ZNF749: variants seen among roughly 807,000 people sequenced by gnomAD.
The protein encoded by ZNF749 is zinc finger protein 749.
Under a neutral mutation model 7.3 loss-of-function variants are expected in ZNF749, and 8 were observed. The ratio of observed to expected loss-of-function variants is 1.10; its 90% CI spans 0.64 to 1.98. ZNF749 has a LOEUF of 1.98. Ranked by LOEUF, ZNF749 falls within the 30% of genes most tolerant of loss-of-function variation. The pLI is 0.00. For synonymous variants in ZNF749, 310 were observed against 322.4 expected (o/e 0.96, Z 0.41); for missense variants, 898 against 932.4 (o/e 0.96, Z 0.48).
upstream of ZNF749, among the ~76,000 whole-genome samples, chr19:57,435,156 G>A (rs2088920643): frequency 6.6e-6 from 1 of 152,196 alleles, no homozygotes; most frequent in African/African-American, 2.4e-5. Context: ...GCATTGTGAG[G>A]CGAGGCAGGC....
chr19:57,432,561 T>TAA (rs750185614), upstream of ZNF749, among the ~76,000 whole-genome samples: 384 of 74,180 alleles, frequency 5.2e-3, 10 homozygotes, highest in African/African-American at 0.017. Context: ...GACTCTGTCT[T>TAA]AAAAAAAAAA....
rs1035798415 is a variant in ZNF749, at chr19:57,436,816, G to A, written c.15+1223G>A. ...TCCTACAACTCATTAACTTAGGGATGTAAAAACAGGTAATTGACTTAAACA... is the reference window on the plus strand; with the variant it reads ...TCCTACAACTCATTAACTTAGGGATATAAAAACAGGTAATTGACTTAAACA... On this transcript the variant is annotated intron_variant, in intron 1 of 2. Transcript: ENST00000334181. This position sits in a 1 kb window ranked among gnomAD's most constrained non-coding sequence, Gnocchi z 4.0. Among the ~76,000 whole-genome samples the A allele has an allele frequency of 2.0e-5, 3 of 152,210 alleles. No individual in the cohort carries two copies. Among genetic ancestry groups the A allele is most frequent in the African/African-American group, 7.2e-5 (3 of 41,466 alleles).
In ZNF749 at chr19:57,445,179, T is replaced by C. The variant is rs1312550997; in HGVS notation, c.2031T>C (p.Leu677=). Residue 677 remains leucine, a synonymous_variant, in exon 3 of 3, where the codon CTT becomes CTC. Coordinates refer to ENST00000334181, the MANE Select transcript of ZNF749 (RefSeq NM_001023561.4). The part of the protein sequence containing the change: ...PYECSNCGKF[L]RYRSTFIKHH... ...AATGCAGCAACTGTGGGAAGTTTCT[T>C]AGATACCGCTCTACATTCATTAAAC... 2.5e-6 allele frequency: 4 copies of C among 1,614,038 alleles called. No homozygotes were observed. The highest frequency in any genetic ancestry group is 1.1e-5 in the South Asian group (1 of 91,082).
At chr19:57,438,173 C>T (rs2088953921) in intron 1 of ZNF749, 1 of 398,732 alleles carries the variant, frequency 2.5e-6, no homozygotes, top group Non-Finnish European at 4.4e-6. Flanking sequence ...CAAACTGTTT[C>T]TCATGAAAGC....
intron 1 of ZNF749, among the ~76,000 whole-genome samples, chr19:57,437,206 ATTC>A (rs1384687327): frequency 3.3e-5 from 5 of 152,158 alleles, no homozygotes; most frequent in Middle Eastern, 3.4e-3. Context: ...CATCTCATAT[ATTC>A]TTGCCTCTCT....
chr19:57,443,265 C>G, intron 2 of ZNF749, 26 bp from the exon 3 acceptor site: 1 of 1,569,272 alleles, frequency 6.4e-7, no homozygotes, highest in Non-Finnish European at 8.7e-7. Context: ...TTCACGTGCA[C>G]TTCACCAGCA....
At position 57,443,525 on chromosome 19, in the gene ZNF749, T is replaced by C. The variant is rs2089016948; in HGVS notation, c.377T>C (p.Ile126Thr). 1.2e-6 allele frequency: 2 copies of C among 1,614,010 alleles called. No individual in the cohort carries two copies. The highest frequency in any genetic ancestry group is 1.3e-5 in the African/African-American group (1 of 74,914). Residue 126 changes from isoleucine to threonine, a missense_variant, in exon 3 of 3, where the codon ATT becomes ACT. Ile to Thr is a moderately conservative substitution (Grantham distance 89). Transcript: ENST00000334181. ...AEHDLHQKEQ[I>T]REKLTRSDEW... ...CATGACCTGCACCAAAAGGAGCAGATTAGAGAGAAGCTCACCAGAAGTGAT... is the reference window on the plus strand; with the variant it reads ...CATGACCTGCACCAAAAGGAGCAGACTAGAGAGAAGCTCACCAGAAGTGAT...
rs1459271783 is a variant in ZNF749 at position 57,435,415 on chromosome 19, T to C, written c.-164T>C. 2 of 1,030,280 alleles carry C rather than the reference T, an allele frequency of 1.9e-6. No homozygotes were observed. The highest frequency in any genetic ancestry group is 2.9e-6 in the Non-Finnish European group (2 of 694,046). The allele number at this position is 1,030,280 out of a possible 1,614,324, so 63.8% of individuals were successfully genotyped here. A position where few individuals can be genotyped will look rare whatever the true frequency, so the allele number is the denominator to read the frequency against. ...GGGTCCCAGAGCTCTGGGTCGGGACTGAGGTGAAAGAGCGGAAAAACGCGA... is the reference window on the plus strand; with the variant it reads ...GGGTCCCAGAGCTCTGGGTCGGGACCGAGGTGAAAGAGCGGAAAAACGCGA... On this transcript the variant is annotated 5_prime_UTR_variant, in exon 1 of 3. The change abolishes the stop of an existing upstream ORF in the 5' untranslated region. Coordinates refer to ENST00000334181, the MANE Select transcript of ZNF749 (RefSeq NM_001023561.4).
chr19:57,435,705 T>A (rs893583954), intron 1 of ZNF749, 112 bp downstream of exon 1: 13 of 1,494,778 alleles, frequency 8.7e-6, no homozygotes, highest in Non-Finnish European at 1.2e-5. Flanking sequence ...GGCGTTCTTG[T>A]GTGGGGTGCC....
chr19:57,439,083 G>A lies in ZNF749; in HGVS notation c.16-2802G>A, dbSNP rs1014121505. On this transcript the variant is annotated intron_variant, in intron 1 of 2. Transcript: ENST00000334181. This position sits in a 1 kb window ranked among gnomAD's most constrained non-coding sequence, Gnocchi z 4.3. ...GTAACTAGGGAAGGTTTGAGGAGGGGGGAAAAAGAGGTGACCTGACCCAGG... is the reference window on the plus strand; with the variant it reads ...GTAACTAGGGAAGGTTTGAGGAGGGAGGAAAAAGAGGTGACCTGACCCAGG... Among the ~76,000 whole-genome samples the A allele has an allele frequency of 6.6e-6, 1 of 152,076 alleles. No homozygotes were observed. The highest frequency in any genetic ancestry group is 2.4e-5 in the African/African-American group (1 of 41,406).
rs566536228 is a variant in ZNF749, at chr19:57,442,209, G to C, written c.142+198G>C. ...CTCCCCTTAAGCAGCCCCAGCTTCTGTTGCTCTGAAACTTTACAAGATAAG... is the reference window on the plus strand; with the variant it reads ...CTCCCCTTAAGCAGCCCCAGCTTCTCTTGCTCTGAAACTTTACAAGATAAG... On this transcript the variant is annotated intron_variant, in intron 2 of 2. Coordinates refer to ENST00000334181, the MANE Select transcript of ZNF749 (RefSeq NM_001023561.4). This position sits in a 1 kb window ranked among gnomAD's most constrained non-coding sequence, Gnocchi z 6.6. Among the ~76,000 whole-genome samples the C allele has an allele frequency of 6.2e-4, 94 of 152,194 alleles. No individual in the cohort carries two copies. The highest frequency in any genetic ancestry group is 1.1e-3 in the Non-Finnish European group (76 of 68,032).
In ZNF749 at chr19:57,445,128, A is replaced by C; in HGVS notation, c.1980A>C (p.Arg660Ser). ...RDSYKLIIHQRVHTGEKPYEC... is the reference protein window; with the variant it reads ...RDSYKLIIHQSVHTGEKPYEC... ...GCTACAAACTCATTATTCATCAGAG[A>C]GTTCATACTGGAGAAAAGCCTTATG... Residue 660 changes from arginine to serine, a missense_variant, in exon 3 of 3, where the codon AGA (arginine) becomes AGC (serine). Transcript: ENST00000334181. 1 of 1,613,986 alleles carries C rather than the reference A, an allele frequency of 6.2e-7. No homozygotes were observed. Among genetic ancestry groups the C allele is most frequent in the Non-Finnish European group, 8.5e-7 (1 of 1,179,966 alleles).
At chr19:57,440,505 G>C (rs750622058) in intron 1 of ZNF749, among the ~76,000 whole-genome samples, 1 of 152,070 alleles carries the variant, frequency 6.6e-6, no homozygotes, top group Admixed American at 6.6e-5. Context: ...AACAGGGCTC[G>C]GTGCTGCCCC....
At position 57,444,988 on chromosome 19, in the gene ZNF749, T is replaced by C. The variant is rs775514741; in HGVS notation, c.1840T>C (p.Cys614Arg). 6.2e-7 allele frequency: 1 copy of C among 1,614,198 alleles called. No homozygotes were observed. Among genetic ancestry groups the C allele is most frequent in the South Asian group, 1.1e-5 (1 of 91,076 alleles). The change falls in exon 3 of 3, where the codon TGC (cysteine) becomes CGC (arginine). Residue 614 changes from cysteine (C) to arginine (R), a missense_variant. Transcript: ENST00000334181. ...RIHTGEKPYKCSKCGKFFRYR... is the reference protein window; with the variant it reads ...RIHTGEKPYKRSKCGKFFRYR... Reference sequence around the variant, plus strand: ...TCACACTGGAGAAAAGCCTTATAAATGCAGCAAATGTGGGAAATTCTTTAG... The same window carrying C: ...TCACACTGGAGAAAAGCCTTATAAACGCAGCAAATGTGGGAAATTCTTTAG...
chr19:57,441,847 G>C (rs371167335), intron 1 of ZNF749, 38 bp from the exon 2 acceptor site: 1 of 1,612,488 alleles, frequency 6.2e-7, no homozygotes, highest in South Asian at 1.1e-5. Flanking sequence ...CACAGAATAA[G>C]AAGTTGTTCA....
chr19:57,435,786 A>T, intron 1 of ZNF749, 193 bp downstream of exon 1: 1 of 1,168,624 alleles, frequency 8.6e-7, no homozygotes, highest in Admixed American at 2.8e-5. Flanking sequence ...TGGGGCTTGG[A>T]GGCACTGCAG....
chr19:57,443,816 C>T lies in ZNF749; in HGVS notation c.668C>T (p.Pro223Leu), dbSNP rs149525702. 2.5e-6 allele frequency: 4 copies of T among 1,614,028 alleles called. No homozygotes were observed. Among genetic ancestry groups the T allele is most frequent in the Middle Eastern group, 1.7e-4 (1 of 6,060 alleles). Residue 223 changes from proline to leucine, a missense_variant, in exon 3 of 3, where the codon CCT becomes CTT. By Grantham distance (98) the Pro-to-Leu change is moderately conservative (BLOSUM62 -3). Transcript: ENST00000334181. ...EHQKTHNGER[P>L]YEFSECGELF... ...CAAAAAACCCATAATGGGGAGAGGC[C>T]TTATGAGTTCAGTGAATGTGGGGAA...
upstream of ZNF749, among the ~76,000 whole-genome samples, chr19:57,432,155 A>G (rs2088901924): frequency 1.3e-5 from 2 of 151,844 alleles, no homozygotes; most frequent in African/African-American, 2.4e-5. Context: ...TTACCCTATT[A>G]TTATCCTCTT....
At position 57,439,926 on chromosome 19, in the gene ZNF749, T is replaced by C. The variant is rs114435447; in HGVS notation, c.16-1959T>C. Among the ~76,000 whole-genome samples the C allele has an allele frequency of 5.4e-3, 814 of 152,132 alleles. 9 individuals are homozygous for C. The highest frequency in any genetic ancestry group is 0.019 in the African/African-American group (788 of 41,498). ...TGAACTGTTGTGAAACTGGGTCAGA[T>C]TTAGGAAGCAATGGTGTTAGTAGGA... On this transcript the variant is annotated intron_variant, in intron 1 of 2. Coordinates refer to ENST00000334181, the MANE Select transcript of ZNF749 (RefSeq NM_001023561.4). This position sits in a 1 kb window ranked among gnomAD's most constrained non-coding sequence, Gnocchi z 4.3.
Sources: gnomAD v4.1 joint callset for allele counts (sites outside exome capture counted in the v4.1 genomes callset) on GRCh38, gnomAD v4.1.1 for gene constraint, Gnocchi (gnomAD v3.1) non-coding constraint, MANE v1.5 for transcripts, NCBI Gene and HGNC (gene_info 2026-07-23, HGNC 2026-07-21) for gene names.